Variants in ARSB observed in about 807,000 individuals in gnomAD.
ARSB encodes N-acetylgalactosamine-4-sulfatase.
In ARSB, 41 loss-of-function variants were observed where a neutral mutation model predicts 50.9. The ratio of observed to expected loss-of-function variants is 0.81; its 90% CI spans 0.63 to 1.04. ARSB has a LOEUF of 1.04. Ranked by LOEUF, ARSB falls within the 50% of genes least tolerant of loss-of-function variation. The probability of loss-of-function intolerance (pLI) is 0.00; values close to 1 mark genes in which losing one functional copy is unlikely to be tolerated. For synonymous variants in ARSB, 269 were observed against 284.8 expected, an observed-to-expected ratio of 0.94 and a Z score of 0.56; for missense variants, 672 against 693.3, an observed-to-expected ratio of 0.97 and a Z score of 0.35.
chr5:78,862,160 G>A (rs1746470709), intron 5 of ARSB, among the ~76,000 whole-genome samples: 1 of 152,264 alleles, frequency 6.6e-6, no homozygotes, highest in Admixed American at 6.5e-5. Context: ...TGGATAGGAA[G>A]AATCAATATA....
At chr5:78,950,576 A>T (rs974497620) in intron 4 of ARSB, among the ~76,000 whole-genome samples, 3 of 152,200 alleles carry the variant, frequency 2.0e-5, no homozygotes, top group African/African-American at 7.2e-5. Flanking sequence ...AAGCCCTGAA[A>T]ATGTGGAGAT....
At chr5:78,972,808 G>C (rs1055605479) in intron 1 of ARSB, among the ~76,000 whole-genome samples, 13 of 152,144 alleles carry the variant, frequency 8.5e-5, no homozygotes, top group Admixed American at 2.0e-4. Flanking sequence ...TGTGTGATTT[G>C]GTTTTCCTAA....
chr5:78,787,091 C>CATCT (rs143701672), intron 6 of ARSB, among the ~76,000 whole-genome samples: 57,237 of 127,740 alleles, frequency 0.45, 11,498 homozygotes, highest in East Asian at 0.56. Flanking sequence ...AATCGATAAC[C>CATCT]ATCTATCTAT....
Position 78,918,937 on chromosome 5 carries a change from T to C in ARSB, c.899-33110A>G, listed in dbSNP as rs576602025. ...CGTGATTAATCCTTTCTCTTCTGCA[T>C]GACAACAGCAACATAAAATGCTGCA... On this transcript the variant is annotated intron_variant, in intron 4 of 7. Transcript: ENST00000264914. 3.3e-5 allele frequency among the ~76,000 whole-genome samples: 5 copies of C among 152,330 alleles called. No homozygotes were observed. In the South Asian group the frequency reaches 6.2e-4, roughly 19 times the overall value.
intron 4 of ARSB, among the ~76,000 whole-genome samples, chr5:78,896,606 T>C (rs1748573134): frequency 6.6e-6 from 1 of 152,216 alleles, no homozygotes; most frequent in Non-Finnish European, 1.5e-5. Flanking sequence ...GTTAGGCTAT[T>C]TTGTAGGCGA....
intron 5 of ARSB, among the ~76,000 whole-genome samples, chr5:78,864,939 T>C (rs1429663508): frequency 6.6e-6 from 1 of 152,208 alleles, no homozygotes; most frequent in Non-Finnish European, 1.5e-5. Flanking sequence ...TGGGTTCCCA[T>C]GGTCTTGGGC....
chr5:78,963,315 C>A (rs1752076697), intron 3 of ARSB, among the ~76,000 whole-genome samples: 1 of 152,160 alleles, frequency 6.6e-6, no homozygotes, highest in African/African-American at 2.4e-5. Context: ...GCACCACGAG[C>A]CAAATAAACC....
chr5:78,841,321 C>T (rs557846294), intron 5 of ARSB, among the ~76,000 whole-genome samples: 26 of 152,056 alleles, frequency 1.7e-4, no homozygotes, highest in Non-Finnish European at 3.2e-4. Flanking sequence ...CAAAGTGAGA[C>T]TCTGTCTTAA....
chr5:78,839,498 T>G (rs776493687), intron 5 of ARSB, 72 bp from the exon 6 acceptor site: 3 of 1,365,838 alleles, frequency 2.2e-6, no homozygotes, highest in Non-Finnish European at 3.1e-6. Flanking sequence ...ATACTTCCCT[T>G]CCTTGTACTT....
At chr5:78,800,548 A>T (rs946918777) in intron 6 of ARSB, among the ~76,000 whole-genome samples, 3 of 152,194 alleles carry the variant, frequency 2.0e-5, no homozygotes, top group African/African-American at 7.2e-5. Context: ...GAATTTTTTG[A>T]GCATCTGCCA....
At chr5:78,976,338 G>A (rs1752665581) in intron 1 of ARSB, among the ~76,000 whole-genome samples, 2 of 131,736 alleles carry the variant, frequency 1.5e-5, no homozygotes, top group Non-Finnish European at 3.1e-5. Flanking sequence ...CTGGACTGGA[G>A]TGCAGTGGCA....
chr5:78,837,082 A>G (rs1744988903), intron 6 of ARSB, among the ~76,000 whole-genome samples: 2 of 152,326 alleles, frequency 1.3e-5, no homozygotes, highest in Non-Finnish European at 1.5e-5. Flanking sequence ...ACAATTCGAC[A>G]TGACACTTGG....
chr5:78,955,539 A>C, intron 3 of ARSB, 37 bp from the exon 4 acceptor site: 1 of 1,529,898 alleles, frequency 6.5e-7, no homozygotes, highest in South Asian at 1.1e-5. Flanking sequence ...TTAAGAGGAT[A>C]TTGAAGCATT....
At chr5:78,983,783 T>C (rs554331684) in intron 1 of ARSB, among the ~76,000 whole-genome samples, 1 of 152,310 alleles carries the variant, frequency 6.6e-6, no homozygotes, top group South Asian at 2.1e-4. Context: ...CCCTCCCTTC[T>C]CTTGATCTTA....
At chr5:78,926,201 G>A (rs1034202300) in intron 4 of ARSB, among the ~76,000 whole-genome samples, 2 of 152,050 alleles carry the variant, frequency 1.3e-5, no homozygotes, top group Non-Finnish European at 2.9e-5. Flanking sequence ...TTTATATGTT[G>A]TAATAATTTC....
chr5:78,826,806 G>A (rs1399889265), intron 6 of ARSB, among the ~76,000 whole-genome samples: 1 of 152,172 alleles, frequency 6.6e-6, no homozygotes, highest in African/African-American at 2.4e-5. Context: ...CCCAAAATAA[G>A]TGAGAGAGAT....
At chr5:78,953,586 A>T (rs1441670599) in intron 4 of ARSB, among the ~76,000 whole-genome samples, 1 of 152,222 alleles carries the variant, frequency 6.6e-6, no homozygotes, top group Non-Finnish European at 1.5e-5. Flanking sequence ...CAAAAGTATG[A>T]GTAGAATACC....
chr5:78,851,514 T>C (rs1745782353), intron 5 of ARSB, among the ~76,000 whole-genome samples: 1 of 152,060 alleles, frequency 6.6e-6, no homozygotes, highest in East Asian at 1.9e-4. Flanking sequence ...TGTGGTGTGG[T>C]GCTGAAAAAA....
At chr5:78,934,615 C>T (rs189264211) in intron 4 of ARSB, among the ~76,000 whole-genome samples, 90 of 152,106 alleles carry the variant, frequency 5.9e-4, no homozygotes, top group Middle Eastern at 3.4e-3. Flanking sequence ...CATGGTGAAA[C>T]CCTGTCTCTA....
Sources: allele counts gnomAD v4.1 joint callset (sites outside exome capture counted in the v4.1 genomes callset), GRCh38; gene constraint gnomAD v4.1.1; transcripts MANE v1.5; gene names NCBI Gene and HGNC (gene_info 2026-07-23, HGNC 2026-07-21).